WWOX: variants seen among roughly 807,000 people sequenced by gnomAD.
WWOX encodes WW domain containing oxidoreductase, also known as WW domain-containing oxidoreductase.
Under a neutral mutation model 46.2 loss-of-function variants are expected in WWOX, and 69 were observed. That is an observed-to-expected ratio of 1.49 (90% CI 1.23 to 1.82). The LOEUF is 1.82. Ranked by LOEUF, WWOX falls within the 40% of genes most tolerant of loss-of-function variation. The pLI, the probability that WWOX is intolerant of heterozygous loss-of-function variation, is 0.00. For missense variants in WWOX, 919 were observed against 542.6 expected (o/e 1.69, Z -6.89); for synonymous variants, 359 against 202.6 (o/e 1.77, Z -6.56).
At position 78,599,786 on chromosome 16, in the gene WWOX, G is replaced by C. The variant is rs542035717; in HGVS notation, c.1056+167034G>C. On this transcript the variant is annotated intron_variant, in intron 8 of 8. Transcript: ENST00000566780. Reference sequence around the variant, plus strand: ...CTGGGGGTGCTGAAGAAGAGTCTCAGTCTCTGCACTCTGGGTCTTGCCAAA... The same window carrying C: ...CTGGGGGTGCTGAAGAAGAGTCTCACTCTCTGCACTCTGGGTCTTGCCAAA... Among the ~76,000 whole-genome samples the C allele has an allele frequency of 4.6e-5, 7 of 152,232 alleles. No homozygotes were observed. The South Asian group carries it at 1.5e-3, about 32-fold the overall frequency.
chr16:78,471,573 G>T (rs1282009456), intron 8 of WWOX, among the ~76,000 whole-genome samples: 1 of 152,166 alleles, frequency 6.6e-6, no homozygotes, highest in Non-Finnish European at 1.5e-5. Flanking sequence ...TCTCTGCAGC[G>T]ATAGTTGAAT....
rs1214097198 is a variant in WWOX, at chr16:78,240,141, G to C, written c.516+75852G>C. On this transcript the variant is annotated intron_variant, in intron 5 of 8. Transcript: ENST00000566780. Reference sequence around the variant, plus strand: ...AGAATCTCAAGGTTAAATCATTCAGGCTTTAGAGTGGGCCCTAAATCCAAT... The same window carrying C: ...AGAATCTCAAGGTTAAATCATTCAGCCTTTAGAGTGGGCCCTAAATCCAAT... 2.6e-5 allele frequency among the ~76,000 whole-genome samples: 4 copies of C among 152,078 alleles called. No individual in the cohort carries two copies. The East Asian group carries it at 7.7e-4, about 29-fold the overall frequency.
At chr16:78,530,467 A>C (rs1372724374) in intron 8 of WWOX, among the ~76,000 whole-genome samples, 2 of 152,220 alleles carry the variant, frequency 1.3e-5, no homozygotes, top group Non-Finnish European at 2.9e-5. Flanking sequence ...CTATGCCATC[A>C]AGCTGTTCTT....
chr16:78,958,953 C>G (rs1182064452), intron 8 of WWOX, among the ~76,000 whole-genome samples: 1 of 152,146 alleles, frequency 6.6e-6, no homozygotes, highest in Non-Finnish European at 1.5e-5. Context: ...GTTCTGGGTT[C>G]AAGATCTGAG....
chr16:78,594,116 C>T (rs9888982), intron 8 of WWOX, among the ~76,000 whole-genome samples: 1 of 151,926 alleles, frequency 6.6e-6, no homozygotes, highest in Non-Finnish European at 1.5e-5. Flanking sequence ...TCAACTCCTT[C>T]TCAACTCCTC....
chr16:79,132,300 T>C (rs2049896212), intron 8 of WWOX, among the ~76,000 whole-genome samples: 1 of 152,212 alleles, frequency 6.6e-6, no homozygotes. Flanking sequence ...AGAGGGCACC[T>C]AGGCTTTGAT....
chr16:78,675,688 T>C (rs2047580517), intron 8 of WWOX, among the ~76,000 whole-genome samples: 1 of 152,188 alleles, frequency 6.6e-6, no homozygotes, highest in Non-Finnish European at 1.5e-5. Context: ...AAAACATGAC[T>C]TTCTGGCCAG....
In WWOX at chr16:78,639,310, C is replaced by T. The variant is rs192967849; in HGVS notation, c.1056+206558C>T. On this transcript the variant is annotated intron_variant, in intron 8 of 8. Coordinates refer to ENST00000566780, the MANE Select transcript of WWOX (RefSeq NM_016373.4). ...GGAAGCAACCCAAGCTGGGTCAGTC[C>T]TTACAAGGAGACCGGCACCTGGGCT... Among the ~76,000 whole-genome samples, 502 of 152,336 alleles carry T rather than the reference C, an allele frequency of 3.3e-3. 3 individuals carry two copies. The highest frequency in any genetic ancestry group is 0.011 in the African/African-American group (472 of 41,574).
intron 8 of WWOX, among the ~76,000 whole-genome samples, chr16:78,584,599 T>G (rs1431055424): frequency 6.6e-6 from 1 of 152,184 alleles, no homozygotes; most frequent in African/African-American, 2.4e-5. Flanking sequence ...GGCATGCTGT[T>G]GAGTGAAAGA....
rs563639144 is a variant in WWOX at position 78,768,865 on chromosome 16, C to T, written c.1056+336113C>T. ...CTTTCCAGTCAAAGAGAAAGGAGAG[C>T]ATGACCCGCCAATGCCGTTGTTTGT... On this transcript the variant is annotated intron_variant, in intron 8 of 8. Transcript: ENST00000566780. Among the ~76,000 whole-genome samples, 4 of 152,228 alleles carry T rather than the reference C, an allele frequency of 2.6e-5. No homozygotes were observed. The South Asian group carries it at 8.3e-4, about 32-fold the overall frequency.
intron 8 of WWOX, among the ~76,000 whole-genome samples, chr16:79,119,592 G>A (rs532109811): frequency 2.0e-5 from 3 of 152,270 alleles, no homozygotes; most frequent in East Asian, 3.9e-4. Flanking sequence ...TTCCAACAAG[G>A]CAACTAAGGC....
At chr16:78,762,874 G>A (rs2049827640) in intron 8 of WWOX, among the ~76,000 whole-genome samples, 1 of 152,142 alleles carries the variant, frequency 6.6e-6, no homozygotes, top group African/African-American at 2.4e-5. Flanking sequence ...TACTTTGAAG[G>A]ACTCATGGTA....
intron 8 of WWOX, among the ~76,000 whole-genome samples, chr16:79,034,125 A>C (rs1391897183): frequency 6.6e-6 from 1 of 152,062 alleles, no homozygotes; most frequent in African/African-American, 2.4e-5. Flanking sequence ...TTTATTATGC[A>C]CTCTTGACAT....
intron 8 of WWOX, among the ~76,000 whole-genome samples, chr16:78,741,828 C>T (rs191544865): frequency 6.6e-6 from 1 of 152,256 alleles, no homozygotes; most frequent in Admixed American, 6.5e-5. Context: ...ACACTCCAGC[C>T]TGGGCGGCAG....
At chr16:79,000,775 T>C (rs1161728282) in intron 8 of WWOX, among the ~76,000 whole-genome samples, 1 of 152,188 alleles carries the variant, frequency 6.6e-6, no homozygotes, top group Non-Finnish European at 1.5e-5. Context: ...TAAGGCACCC[T>C]ATAATATACC....
At chr16:78,612,943 C>T (rs1479474662) in intron 8 of WWOX, among the ~76,000 whole-genome samples, 2 of 152,116 alleles carry the variant, frequency 1.3e-5, no homozygotes, top group Non-Finnish European at 2.9e-5. Flanking sequence ...TTTCCAGATG[C>T]TCTGGGGTCA....
At chr16:78,918,165 G>T (rs1288691562) in intron 8 of WWOX, among the ~76,000 whole-genome samples, 1 of 152,196 alleles carries the variant, frequency 6.6e-6, no homozygotes, top group Non-Finnish European at 1.5e-5. Flanking sequence ...TGAGGCTGCA[G>T]TGAGCTGTGA....
intron 8 of WWOX, among the ~76,000 whole-genome samples, chr16:78,522,354 T>TTGAG (rs1316642571): frequency 1.3e-5 from 2 of 152,172 alleles, no homozygotes; most frequent in Non-Finnish European, 2.9e-5. Flanking sequence ...ACCTAATTCT[T>TTGAG]TGAGTGTTTC....
intron 5 of WWOX, among the ~76,000 whole-genome samples, chr16:78,185,011 G>A (rs1281771890): frequency 6.6e-6 from 1 of 152,228 alleles, no homozygotes; most frequent in African/African-American, 2.4e-5. Context: ...AGAGCAGCCT[G>A]CACTGCTGGA....
Sources: gnomAD v4.1 joint callset for allele counts (sites outside exome capture counted in the v4.1 genomes callset) on GRCh38, gnomAD v4.1.1 for gene constraint, MANE v1.5 for transcripts, NCBI Gene and HGNC (gene_info 2026-07-23, HGNC 2026-07-21) for gene names.